The following OLA1 variants were observed in gnomAD, a reference collection of about 807,000 sequenced individuals.
OLA1 encodes the protein obg-like ATPase 1.
Under a neutral mutation model 48.4 loss-of-function variants are expected in OLA1, and 14 were observed. The ratio of observed to expected loss-of-function variants is 0.29; its 90% confidence interval spans 0.19 to 0.45. OLA1 has a LOEUF of 0.45. Ranked by LOEUF, OLA1 falls within the 20% of genes least tolerant of loss-of-function variation. The pLI is 1.00. For missense variants in OLA1, 325 were observed against 467.1 expected (o/e 0.70, Z 2.80); for synonymous variants, 127 against 150.4 (o/e 0.84, Z 1.14).
intron 7 of OLA1, among the ~76,000 whole-genome samples, chr2:174,085,493 C>A (rs954631821): frequency 6.6e-6 from 1 of 152,194 alleles, no homozygotes; most frequent in Non-Finnish European, 1.5e-5. Context: ...TGAAACCACA[C>A]CCCCATCACC....
intron 10 of OLA1, among the ~76,000 whole-genome samples, chr2:174,078,759 T>G (rs1684801358): frequency 6.6e-6 from 1 of 151,948 alleles, no homozygotes; most frequent in Admixed American, 6.6e-5. Context: ...ACAAAACTAC[T>G]GACAATTCAC....
At chr2:174,094,630 T>C (rs1377955303) in intron 7 of OLA1, among the ~76,000 whole-genome samples, 1 of 152,188 alleles carries the variant, frequency 6.6e-6, no homozygotes, top group Non-Finnish European at 1.5e-5. Flanking sequence ...ATCCATACAC[T>C]TATGGTCAAC....
intron 4 of OLA1, among the ~76,000 whole-genome samples, chr2:174,176,332 T>C (rs942216862): frequency 6.6e-6 from 1 of 152,138 alleles, no homozygotes; most frequent in African/African-American, 2.4e-5. Context: ...TATTCTGAAA[T>C]CTTAATATGG....
At chr2:174,122,741 T>G (rs1186318647) in intron 7 of OLA1, among the ~76,000 whole-genome samples, 1 of 151,784 alleles carries the variant, frequency 6.6e-6, no homozygotes, top group Non-Finnish European at 1.5e-5. Flanking sequence ...CACAGTCTTT[T>G]TTTTTTTTTT....
intron 4 of OLA1, among the ~76,000 whole-genome samples, chr2:174,197,253 C>G (rs529497859): frequency 1.2e-4 from 19 of 152,104 alleles, no homozygotes; most frequent in Admixed American, 7.9e-4. Flanking sequence ...ACAACAAACA[C>G]CCAAGCTCTA....
intron 5 of OLA1, among the ~76,000 whole-genome samples, chr2:174,139,889 G>GAAAAA (rs1686402203): frequency 7.6e-6 from 1 of 131,952 alleles, no homozygotes; most frequent in Non-Finnish European, 1.7e-5. Flanking sequence ...AAGAAAGAAA[G>GAAAAA]AAAGAAAAAA....
intron 5 of OLA1, among the ~76,000 whole-genome samples, chr2:174,129,718 A>G (rs1686133271): frequency 6.6e-6 from 1 of 152,030 alleles, no homozygotes; most frequent in African/African-American, 2.4e-5. Context: ...AACAAATATC[A>G]CTGTTATAAT....
intron 3 of OLA1, among the ~76,000 whole-genome samples, chr2:174,225,292 T>C (rs1407430995): frequency 1.3e-5 from 2 of 152,228 alleles, no homozygotes; most frequent in Non-Finnish European, 2.9e-5. Flanking sequence ...GGCTCACGCC[T>C]GTAATCTCAG....
chr2:174,170,574 T>C (rs758867434), intron 4 of OLA1, among the ~76,000 whole-genome samples: 2 of 152,028 alleles, frequency 1.3e-5, no homozygotes, highest in Non-Finnish European at 2.9e-5. Flanking sequence ...TAGAACACAA[T>C]CATATGTTCT....
chr2:174,105,644 A>G (rs1052208748), intron 7 of OLA1, among the ~76,000 whole-genome samples: 2 of 152,040 alleles, frequency 1.3e-5, no homozygotes, highest in African/African-American at 2.4e-5. Flanking sequence ...CAGAAGAATA[A>G]TAAGGATTCT....
chr2:174,119,658 T>G (rs1321229591), intron 7 of OLA1, among the ~76,000 whole-genome samples: 1 of 152,054 alleles, frequency 6.6e-6, no homozygotes, highest in Admixed American at 6.5e-5. Context: ...TTAGTTGTTA[T>G]GTACAAATTA....
chr2:174,219,346 A>G (rs1299325396), intron 4 of OLA1, among the ~76,000 whole-genome samples: 1 of 149,448 alleles, frequency 6.7e-6, no homozygotes, highest in Non-Finnish European at 1.5e-5. Context: ...TAGGGAAATC[A>G]TTATCAGTAT....
intron 7 of OLA1, among the ~76,000 whole-genome samples, chr2:174,117,802 C>T (rs1322691524): frequency 6.6e-6 from 1 of 152,164 alleles, no homozygotes; most frequent in Non-Finnish European, 1.5e-5. Context: ...CATTCTAAAT[C>T]CTTCCCGAGG....
intron 7 of OLA1, among the ~76,000 whole-genome samples, chr2:174,083,409 T>A (rs2105340659): frequency 6.6e-6 from 1 of 152,262 alleles, no homozygotes; most frequent in East Asian, 1.9e-4. Context: ...AGTTTGTATA[T>A]GTTTGTTATA....
At position 174,125,918 on chromosome 2, in the gene OLA1, T is replaced by C. The variant is rs114570125; in HGVS notation, c.550-2243A>G. ...ATATTATAACCTAGTTTTTGGACAG[T>C]TGAAATAAAAACATTTTGTACTCAG... On this transcript the variant is annotated intron_variant, in intron 5 of 10. Coordinates refer to ENST00000284719, the MANE Select transcript of OLA1 (RefSeq NM_013341.5). Among the ~76,000 whole-genome samples the C allele has an allele frequency of 7.7e-3, 1,165 of 152,276 alleles. 21 individuals carry two copies. Among genetic ancestry groups the C allele is most frequent in the African/African-American group, 0.026 (1,064 of 41,566 alleles).
chr2:174,202,055 C>T (rs1172035191), intron 4 of OLA1, among the ~76,000 whole-genome samples: 1 of 151,696 alleles, frequency 6.6e-6, no homozygotes, highest in Non-Finnish European at 1.5e-5. Flanking sequence ...GAAAAAAACT[C>T]ACAGATAAAC....
intron 7 of OLA1, among the ~76,000 whole-genome samples, chr2:174,090,592 A>G (rs1384493176): frequency 6.6e-6 from 1 of 152,212 alleles, no homozygotes; most frequent in Admixed American, 6.5e-5. Context: ...GCTCTTAAAA[A>G]GAGAACAGAA....
At chr2:174,105,515 A>G (rs920077216) in intron 7 of OLA1, among the ~76,000 whole-genome samples, 1 of 152,008 alleles carries the variant, frequency 6.6e-6, no homozygotes, top group Non-Finnish European at 1.5e-5. Context: ...ACAATTCTTC[A>G]ATGTTCTGTT....
intron 4 of OLA1, among the ~76,000 whole-genome samples, chr2:174,205,918 GC>G (rs1559004482): frequency 1.3e-5 from 2 of 152,142 alleles, no homozygotes; most frequent in South Asian, 2.1e-4. Context: ...GAGCCTTAGA[GC>G]CCTATAGCCC....
Sources: gnomAD v4.1 joint callset for allele counts (sites outside exome capture counted in the v4.1 genomes callset) on GRCh38, gnomAD v4.1.1 for gene constraint, MANE v1.5 for transcripts, NCBI Gene and HGNC (gene_info 2026-07-23, HGNC 2026-07-21) for gene names.